Variants in WIZ observed in about 807,000 individuals in gnomAD.
WIZ encodes WIZ zinc finger.
A neutral mutation model predicts 140.2 loss-of-function variants in WIZ; 25 were observed. The ratio of observed to expected loss-of-function variants is 0.18; its 90% CI spans 0.13 to 0.25. The LOEUF is 0.25. WIZ is among the 10% of genes least tolerant of loss of function. The pLI is 1.00. For synonymous variants in WIZ, 1,125 were observed against 1,154.3 expected (o/e 0.97, Z 0.51); for missense variants, 2,231 against 2,632.6 (o/e 0.85, Z 3.34).
chr19:15,443,802 G>C (rs576773682), intron 2 of WIZ, among the ~76,000 whole-genome samples: 1 of 152,248 alleles, frequency 6.6e-6, no homozygotes, highest in African/African-American at 2.4e-5. Context: ...GCCAGATGAT[G>C]AACGAGGCAC....
rs1024412947 is a variant in WIZ, at chr19:15,440,336, C to T, written c.658G>A (p.Val220Met). The change falls in exon 4 of 13, where the codon GTG becomes ATG. Residue 220 changes from valine to methionine, a missense_variant. By Grantham distance (21) the Val-to-Met change is conservative. This residue lies in a region of WIZ where 307 missense variants were observed against 294.1 expected (regional missense o/e 1.04). Transcript: ENST00000673675. The surrounding 1 kb of genome is among the most constrained non-coding windows in gnomAD (Gnocchi z 6.2). ...GTCTTCGGGGTGTCTTCCACTGGCA[C>T]AAACACCCTCCTGAAGGGGGCGAGG... Reference protein sequence around the residue: ...PPLAPFRRVFVPVEDTPKTLD... With the variant: ...PPLAPFRRVFMPVEDTPKTLD... The T allele has an allele frequency of 6.6e-7, 1 of 1,525,234 alleles. No individual in the cohort carries two copies. The allele number at this position is 1,525,234 out of a possible 1,614,324, so 94.5% of individuals were successfully genotyped here.
At chr19:15,449,317 G>T (rs1412203922) in intron 1 of WIZ, 1 of 152,212 alleles carries the variant, frequency 6.6e-6, no homozygotes, top group African/African-American at 2.4e-5. Context: ...TTCCCAGGGG[G>T]CTCCTCCGTG....
rs61732027 is a variant in WIZ at position 15,448,135 on chromosome 19, C to T, written c.173G>A (p.Arg58Gln). ...RYLPVTKEGP[R>Q]DILDGRGGIS... is the part of the protein sequence containing the mutation. The stretch of plus-strand genomic sequence containing the variant: ...GCCACCTCTGCCATCCAGAATGTCT[C>T]GGGGGCCCTCCTTGGTGACAGGCAG... The change falls in exon 2 of 13, where the codon CGA becomes CAA. Residue 58 changes from arginine (R) to glutamine (Q), a missense_variant. Physicochemically the swap from Arg to Gln is conservative, Grantham distance 43 (BLOSUM62 1). Coordinates refer to ENST00000673675, the MANE Select transcript of WIZ (RefSeq NM_001371589.1). 3.5e-5 allele frequency: 56 copies of T among 1,612,730 alleles called. No homozygotes were observed. The highest frequency in any genetic ancestry group is 1.6e-4 in the Middle Eastern group (1 of 6,068).
rs777646774 is a variant in WIZ at position 15,438,713 on chromosome 19, C to T, written c.2281G>A (p.Gly761Ser). Residue 761 changes from glycine to serine, a missense_variant, in exon 4 of 13, where the codon GGC becomes AGC. Around this residue, in one of 15 missense-constraint regions of WIZ, gnomAD observed 118 missense variants for 209.1 expected, o/e 0.56. Transcript: ENST00000673675. ...CGGACGTGGTTGGCCAAGCCGATGC[C>T]GTTGTGGAAGCGATCGGGGCAGTAG... ...CPYCPDRFHN[G>S]IGLANHVRGH... 9 of 1,536,058 alleles carry T rather than the reference C, an allele frequency of 5.9e-6. No homozygotes were observed. In the African/African-American group the frequency reaches 6.8e-5, roughly 12 times the overall value.
chr19:15,436,584 T>C (rs1969522391), intron 5 of WIZ: 1 of 504,056 alleles, frequency 2.0e-6, no homozygotes, highest in Non-Finnish European at 3.4e-6. Flanking sequence ...GGAAAGATAG[T>C]GAAAAACTGG....
rs551603718 is a variant in WIZ at position 15,440,436 on chromosome 19, C to A, written c.558G>T (p.Trp186Cys). The A allele has an allele frequency of 2.2e-4, 338 of 1,536,078 alleles. 1 individual carries two copies. The African/African-American group carries it at 4.2e-3, about 19-fold the overall frequency. ...KHAQGRPRFDWLQDEDEQGSP... is the reference protein window; with the variant it reads ...KHAQGRPRFDCLQDEDEQGSP... ...ATCCCTGCTCGTCCTCATCTTGGAGCCAGTCGAACCTGGGGCGGCCCTGGG... is the reference window on the plus strand; with the variant it reads ...ATCCCTGCTCGTCCTCATCTTGGAGACAGTCGAACCTGGGGCGGCCCTGGG... Residue 186 changes from tryptophan (W) to cysteine (C), a missense_variant, in exon 4 of 13, where the codon TGG becomes TGT. By Grantham distance (215) the Trp-to-Cys change is radical. Transcript: ENST00000673675. The surrounding 1 kb of genome is among the most constrained non-coding windows in gnomAD (Gnocchi z 6.2).
chr19:15,425,235 G>T lies in WIZ; in HGVS notation c.4894+6C>A. 6.4e-7 allele frequency: 1 copy of T among 1,570,960 alleles called. No homozygotes were observed. Among genetic ancestry groups the T allele is most frequent in the Non-Finnish European group, 8.6e-7 (1 of 1,159,008 alleles). On this transcript the variant is annotated splice_donor_region_variant and intron_variant, in intron 10 of 12. Coordinates refer to ENST00000673675, the MANE Select transcript of WIZ (RefSeq NM_001371589.1). ...CCCTCCCAGGACCCTGCCGCCCGCT[G>T]CTTACAGGAGTGGGAGGTCTTCTCA... is the stretch of plus-strand genomic sequence containing the variant.
chr19:15,446,442 T>C (rs1969923737), intron 2 of WIZ, among the ~76,000 whole-genome samples: 1 of 152,170 alleles, frequency 6.6e-6, no homozygotes, highest in Admixed American at 6.5e-5. Context: ...GCCTCAGTTA[T>C]TAACTCAGTT....
At position 15,440,411 on chromosome 19, in the gene WIZ, A is replaced by T; in HGVS notation, c.583T>A (p.Ser195Thr). The T allele has an allele frequency of 1.3e-6, 2 of 1,535,282 alleles. No individual in the cohort carries two copies. The highest frequency in any genetic ancestry group is 1.7e-6 in the Non-Finnish European group (2 of 1,146,560). ...DWLQDEDEQG[S>T]PQDAGLHLDL... ...AAGTGCAGCCCTGCGTCCTGGGGGG[A>T]TCCCTGCTCGTCCTCATCTTGGAGC... The change falls in exon 4 of 13, where the codon TCC (serine) becomes ACC (threonine). Residue 195 changes from serine to threonine, a missense_variant. Coordinates refer to ENST00000673675, the MANE Select transcript of WIZ (RefSeq NM_001371589.1). This position sits in a 1 kb window ranked among gnomAD's most constrained non-coding sequence, Gnocchi z 6.2.
chr19:15,429,610 C>T lies in WIZ; in HGVS notation c.3391G>A (p.Glu1131Lys). ...ASPKAQWPQS[E>K]DEGPLNLTLD... ...CTGAGGTTCAAGGGCCCCTCATCCT[C>T]AGACTGAGGCCACTGTGCCTTTGGG... Residue 1131 changes from glutamate (E) to lysine (K), a missense_variant, in exon 7 of 13, where the codon GAG becomes AAG. Physicochemically the swap from Glu to Lys is moderately conservative, Grantham distance 56. Transcript: ENST00000673675. 2.1e-6 allele frequency: 3 copies of T among 1,406,438 alleles called. No homozygotes were observed. The South Asian group carries it at 4.9e-5, about 23-fold the overall frequency. The allele number at this position is 1,406,438 out of a possible 1,614,324, so 87.1% of individuals were successfully genotyped here.
rs370289307 is a variant in WIZ at position 15,440,687 on chromosome 19, G to T, written c.307C>A (p.Arg103=). The T allele has an allele frequency of 2.4e-5, 36 of 1,507,924 alleles. No individual in the cohort carries two copies. The highest frequency in any genetic ancestry group is 2.0e-4 in the Admixed American group (10 of 48,944). The allele number at this position is 1,507,924 out of a possible 1,614,324, so 93.4% of individuals were successfully genotyped here. A position where few individuals can be genotyped will look rare whatever the true frequency, so the allele number is the denominator to read the frequency against. The change falls in exon 4 of 13, where the codon CGG becomes AGG. Residue 103 remains arginine, a synonymous_variant. Coordinates refer to ENST00000673675, the MANE Select transcript of WIZ (RefSeq NM_001371589.1). This position sits in a 1 kb window ranked among gnomAD's most constrained non-coding sequence, Gnocchi z 6.2. ...AGATGGGGTGGTGGGGAGCCCGGCCGGAAGTCCAGGCTGCCTCCATCCCAG... is the reference window on the plus strand; with the variant it reads ...AGATGGGGTGGTGGGGAGCCCGGCCTGAAGTCCAGGCTGCCTCCATCCCAG... ...CCWDGGSLDF[R]PGSPPPHLLG...
chr19:15,439,173 C>T lies in WIZ; in HGVS notation c.1821G>A (p.Gly607=), dbSNP rs1969633752. The T allele has an allele frequency of 6.5e-7, 1 of 1,534,396 alleles. No individual in the cohort carries two copies. The highest frequency in any genetic ancestry group is 8.7e-7 in the Non-Finnish European group (1 of 1,145,782). Residue 607 remains glycine (G), a synonymous_variant, in exon 4 of 13, where the codon GGG becomes GGA. Coordinates refer to ENST00000673675, the MANE Select transcript of WIZ (RefSeq NM_001371589.1). This position sits in a 1 kb window ranked among gnomAD's most constrained non-coding sequence, Gnocchi z 7.0. The part of the protein sequence containing the change: ...NKSTVHPQGL[G]ERRRPWSEEE... Reference sequence around the variant, plus strand: ...CTTCGCTCCAAGGGCGCCTCCGTTCCCCCAGCCCTTGTGGGTGGACGGTGC... The same window carrying T: ...CTTCGCTCCAAGGGCGCCTCCGTTCTCCCAGCCCTTGTGGGTGGACGGTGC...
In WIZ at chr19:15,438,977, C is replaced by T. The variant is rs1171563989; in HGVS notation, c.2017G>A (p.Gly673Arg). The change falls in exon 4 of 13, where the codon GGG becomes AGG. Residue 673 changes from glycine (G) to arginine (R), a missense_variant. Gly to Arg is a moderately radical substitution (Grantham distance 125). Coordinates refer to ENST00000673675, the MANE Select transcript of WIZ (RefSeq NM_001371589.1). ...EALQAVEATQ[G>R]QQQQLRGMVP... ...ATCCCTCGGAGCTGCTGCTGCTGCC[C>T]CTGGGTGGCCTCTACTGCCTGCAGG... The T allele has an allele frequency of 6.9e-7, 1 of 1,459,044 alleles. No homozygotes were observed. The highest frequency in any genetic ancestry group is 9.0e-7 in the Non-Finnish European group (1 of 1,109,006). 90.4% of individuals were successfully genotyped at this position (1,459,044 alleles called of 1,614,324 possible). A position where few individuals can be genotyped will look rare whatever the true frequency, so the allele number is the denominator to read the frequency against.
chr19:15,444,186 C>T (rs1354710110), intron 2 of WIZ, among the ~76,000 whole-genome samples: 2 of 152,150 alleles, frequency 1.3e-5, no homozygotes, highest in Admixed American at 1.3e-4. Flanking sequence ...TTTCCAATCC[C>T]TCATCATCCA....
Position 15,425,302 on chromosome 19 carries a change from G to T in WIZ, c.4833C>A (p.Thr1611=). ...RLLPAEVKAK[T]YIQTELPFKA... is the part of the protein sequence containing the mutation. ...TGAAGGGCAGTTCAGTCTGGATGTA[G>T]GTCTTGGCCTTGACCTCTGCTGGGA... is the stretch of plus-strand genomic sequence containing the variant. The change falls in exon 10 of 13, where the codon ACC becomes ACA. Residue 1611 remains threonine (T), a synonymous_variant. Coordinates refer to ENST00000673675, the MANE Select transcript of WIZ (RefSeq NM_001371589.1). 1 of 1,588,882 alleles carries T rather than the reference G, an allele frequency of 6.3e-7. No homozygotes were observed. The highest frequency in any genetic ancestry group is 2.3e-5 in the East Asian group (1 of 43,596).
chr19:15,449,757 C>T (rs1489519806), intron 1 of WIZ, 41 bp downstream of exon 1: 1 of 145,854 alleles, frequency 6.9e-6, no homozygotes, highest in Non-Finnish European at 1.5e-5. Context: ...CGCTACGGCT[C>T]CGCCCCACCC....
chr19:15,423,174 G>T lies in WIZ; in HGVS notation c.5572C>A (p.Gln1858Lys). 1 of 1,613,766 alleles carries T rather than the reference G, an allele frequency of 6.2e-7. No individual in the cohort carries two copies. Among genetic ancestry groups the T allele is most frequent in the Non-Finnish European group, 8.5e-7 (1 of 1,179,954 alleles). Residue 1858 changes from glutamine to lysine, a missense_variant, in exon 13 of 13, where the codon CAG becomes AAG. Gln to Lys is a moderately conservative substitution (Grantham distance 53). Around this residue, in one of 15 missense-constraint regions of WIZ, gnomAD observed 299 missense variants for 309.6 expected, o/e 0.97. Transcript: ENST00000673675. ...AAGTTCATCTCCAGGATGTGCCGCT[G>T]TAAGTGCCGCACCCACTCTTCCTGG... ...SIQEEWVRHL[Q>K]RHILEMNFSK... is the part of the protein sequence containing the mutation.
At chr19:15,423,385 G>A (rs1239355918) in intron 12 of WIZ, 150 bp from the exon 13 acceptor site, 46 of 937,176 alleles carry the variant, frequency 4.9e-5, no homozygotes, top group East Asian at 2.7e-4. Flanking sequence ...GAAGTCAGGC[G>A]TTTCCCATGG....
At position 15,423,232 on chromosome 19, in the gene WIZ, G is replaced by A. The variant is rs575180379; in HGVS notation, c.5514C>T (p.Phe1838=). ...GGGGGCCCTGGAATTCCACCTCACA[G>A]AACCTGCATGGGGGAACAGAGAGAG... is the stretch of plus-strand genomic sequence containing the variant. ...VGNIYTLKCR[F]CEVEFQGPLS... is the part of the protein sequence containing the mutation. Residue 1838 remains phenylalanine, a synonymous_variant, in exon 13 of 13, where the codon TTC becomes TTT. Transcript: ENST00000673675. The A allele has an allele frequency of 1.3e-5, 21 of 1,613,536 alleles. No homozygotes were observed. The highest frequency in any genetic ancestry group is 1.7e-4 in the Middle Eastern group (1 of 6,024).
Sources: gnomAD v4.1 joint callset for allele counts (sites outside exome capture counted in the v4.1 genomes callset) on GRCh38, gnomAD v4.1.1 for gene constraint, gnomAD v4.1.1 regional missense constraint, Gnocchi (gnomAD v3.1) non-coding constraint, MANE v1.5 for transcripts, NCBI Gene and HGNC (gene_info 2026-07-23, HGNC 2026-07-21) for gene names.